Variants in ADCY6 observed in about 807,000 individuals in gnomAD.
The protein encoded by ADCY6 is adenylate cyclase 6.
In ADCY6, 59 loss-of-function variants were observed where a neutral mutation model predicts 111.6. That is an observed-to-expected ratio of 0.53 (90% CI 0.43 to 0.66). The LOEUF (loss-of-function observed/expected upper bound fraction) is 0.66, where lower values mean the gene tolerates loss of function less well. ADCY6 is among the 30% of genes least tolerant of loss of function. ADCY6 has a pLI of 0.00. For synonymous variants in ADCY6, 576 were observed against 642.9 expected (o/e 0.90, Z 1.57); for missense variants, 1,242 against 1,595.6 (o/e 0.78, Z 3.78).
chr12:48,782,811 C>T lies in ADCY6; in HGVS notation c.624G>A (p.Met208Ile), dbSNP rs919560574. The T allele has an allele frequency of 1.2e-6, 2 of 1,613,940 alleles. No individual in the cohort carries two copies. Among genetic ancestry groups the T allele is most frequent in the African/African-American group, 1.3e-5 (1 of 74,952 alleles). ...CNRHSFRQDS[M>I]WVVSYVVLGI... is the part of the protein sequence containing the mutation. ...CCAGCACCACGTAGCTCACCACCCA[C>T]ATGGAGTCCTGGCGGAAGCTATGCC... is the stretch of plus-strand genomic sequence containing the variant. The change falls in exon 2 of 22, where the codon ATG becomes ATA. Residue 208 changes from methionine to isoleucine, a missense_variant. Transcript: ENST00000357869. This position sits in a 1 kb window ranked among gnomAD's most constrained non-coding sequence, Gnocchi z 4.3.
chr12:48,783,051 C>T lies in ADCY6; in HGVS notation c.384G>A (p.Ser128=), dbSNP rs1941891623. The change falls in exon 2 of 22, where the codon TCG becomes TCA. Residue 128 remains serine (S), a synonymous_variant. Transcript: ENST00000357869. ...CCAGCTTGGCCGAACGGAACTGCTT[C>T]GACTGGAACACCTGCACCAGACGGC... The part of the protein sequence containing the change: ...CWRRLVQVFQ[S]KQFRSAKLER... 4 of 1,613,372 alleles carry T rather than the reference C, an allele frequency of 2.5e-6. No homozygotes were observed. Among genetic ancestry groups the T allele is most frequent in the Non-Finnish European group, 3.4e-6 (4 of 1,179,836 alleles).
chr12:48,771,880 G>A lies in ADCY6; in HGVS notation c.2881C>T (p.Leu961=), dbSNP rs897307392. ...TCATCATTGCGGCGCTCCCGGGCCA[G>A]GAAGTGGGCCGCCACGTCCTTGGGC... ...ILPKDVAAHF[L]ARERRNDELY... Residue 961 remains leucine, a synonymous_variant, in exon 19 of 22, where the codon CTG becomes TTG. Transcript: ENST00000357869. The surrounding 1 kb of genome is among the most constrained non-coding windows in gnomAD (Gnocchi z 4.3). 7 of 1,614,072 alleles carry A rather than the reference G, an allele frequency of 4.3e-6. No homozygotes were observed. In the African/African-American group the frequency reaches 9.3e-5, roughly 22 times the overall value.
Position 48,782,734 on chromosome 12 carries a change from CT to C in ADCY6, c.700del (p.Ser234AlafsTer39). ...AGGGCACCAGAGGCCCGCAGAGGGGCTGCGCGGGTCTGCTGCGAGAGCGCCC... is the reference window on the plus strand; with the variant it reads ...AGGGCACCAGAGGCCCGCAGAGGGGCGCGCGGGTCTGCTGCGAGAGCGCCC... Reference protein sequence around the residue: ...VGGALAADPRSPSAGLWCPVF... With the variant: ...VGGALAADPRXPSAGLWCPVF... On this transcript the variant is annotated frameshift_variant, in exon 2 of 22. Transcript: ENST00000357869. LOFTEE classifies it high-confidence loss of function. This position sits in a 1 kb window ranked among gnomAD's most constrained non-coding sequence, Gnocchi z 4.3. The C allele has an allele frequency of 6.2e-7, 1 of 1,600,562 alleles. No homozygotes were observed. Among genetic ancestry groups the C allele is most frequent in the Non-Finnish European group, 8.5e-7 (1 of 1,173,422 alleles).
At position 48,775,369 on chromosome 12, in the gene ADCY6, A is replaced by G. The variant is rs532494034; in HGVS notation, c.1914T>C (p.Asp638=). ...LSRAIDARSI[D]QLRKDHVRRF... ...GGCGCACATGGTCCTTCCGCAGCTG[A>G]TCAATGCTGCGGGCATCGATGGCAC... Residue 638 remains aspartate, a synonymous_variant, in exon 11 of 22, where the codon GAT becomes GAC. Coordinates refer to ENST00000357869, the MANE Select transcript of ADCY6 (RefSeq NM_015270.5). 1 of 1,614,082 alleles carries G rather than the reference A, an allele frequency of 6.2e-7. No homozygotes were observed. Among genetic ancestry groups the G allele is most frequent in the Admixed American group, 1.7e-5 (1 of 60,010 alleles).
intron 12 of ADCY6, 69 bp downstream of exon 12, chr12:48,774,888 G>A (rs1396878898): frequency 6.6e-7 from 1 of 1,523,634 alleles, no homozygotes; most frequent in South Asian, 1.2e-5. Flanking sequence ...GTGGGCTTGT[G>A]TGGGTATTTA....
Position 48,775,216 on chromosome 12 carries a change from C to T in ADCY6, c.1980+87G>A, listed in dbSNP as rs887621452. 7.0e-6 allele frequency: 11 copies of T among 1,572,916 alleles called. No homozygotes were observed. The African/African-American group carries it at 1.2e-4, about 17-fold the overall frequency. ...TGGTCCCTTCTCCATCCCCCAGAAACACCTGTGCCCTCACCTGTGCTCAGC... is the reference window on the plus strand; with the variant it reads ...TGGTCCCTTCTCCATCCCCCAGAAATACCTGTGCCCTCACCTGTGCTCAGC... On this transcript the variant is annotated intron_variant, in intron 11 of 21. Transcript: ENST00000357869.
Position 48,768,372 on chromosome 12 carries a change from G to A in ADCY6, c.*219C>T. ...GAGGGAACAGCCCTACCCCAAGTAA[G>A]AAAGAAAGTCACTTGCATAATCCTC... On this transcript the variant is annotated 3_prime_UTR_variant, in exon 22 of 22. Transcript: ENST00000357869. The A allele has an allele frequency of 1.5e-6, 1 of 651,958 alleles. No individual in the cohort carries two copies. The highest frequency in any genetic ancestry group is 2.6e-6 in the Non-Finnish European group (1 of 384,012). The allele number at this position is 651,958 out of a possible 1,614,324, so 40.4% of individuals were successfully genotyped here.
Position 48,774,457 on chromosome 12 carries a change from G to A in ADCY6, c.2228C>T (p.Thr743Ile), listed in dbSNP as rs1450256396. The change falls in exon 14 of 22, where the codon ACC (threonine) becomes ATC (isoleucine). Residue 743 changes from threonine to isoleucine, a missense_variant. Coordinates refer to ENST00000357869, the MANE Select transcript of ADCY6 (RefSeq NM_015270.5). ...CAGGACGGAAAAGATGCCAACTGCG[G>A]TGCTATGTGCCCGTGAGCGGACAAT... is the stretch of plus-strand genomic sequence containing the variant. The part of the protein sequence containing the change: ...RSIVRSRAHS[T>I]AVGIFSVLLV... 6.2e-7 allele frequency: 1 copy of A among 1,614,024 alleles called. No homozygotes were observed. The highest frequency in any genetic ancestry group is 8.5e-7 in the Non-Finnish European group (1 of 1,179,998).
At position 48,776,071 on chromosome 12, in the gene ADCY6, C is replaced by T; in HGVS notation, c.1698G>A (p.Leu566=). 6.2e-7 allele frequency: 1 copy of T among 1,613,726 alleles called. No homozygotes were observed. Among genetic ancestry groups the T allele is most frequent in the African/African-American group, 1.3e-5 (1 of 75,048 alleles). ...SQKRKEEKAM[L]AKLQRTRANS... is the part of the protein sequence containing the mutation. Reference sequence around the variant, plus strand: ...TGGCCCGAGTCCGCTGCAGCTTGGCCAGCATGGCCTTCTCCTCTTTCTGTG... The same window carrying T: ...TGGCCCGAGTCCGCTGCAGCTTGGCTAGCATGGCCTTCTCCTCTTTCTGTG... The change falls in exon 9 of 22, where the codon CTG becomes CTA. Residue 566 remains leucine (L), a synonymous_variant. Coordinates refer to ENST00000357869, the MANE Select transcript of ADCY6 (RefSeq NM_015270.5). The surrounding 1 kb of genome is among the most constrained non-coding windows in gnomAD (Gnocchi z 6.1).
At position 48,783,209 on chromosome 12, in the gene ADCY6, G is replaced by T; in HGVS notation, c.226C>A (p.Pro76Thr). The change falls in exon 2 of 22, where the codon CCA (proline) becomes ACA (threonine). Residue 76 changes from proline (P) to threonine (T), a missense_variant. Physicochemically the swap from Pro to Thr is conservative, Grantham distance 38. This residue lies in a region of ADCY6 where 362 missense variants were observed against 377.2 expected (regional missense o/e 0.96). Coordinates refer to ENST00000357869, the MANE Select transcript of ADCY6 (RefSeq NM_015270.5). ...AGCCCCAGCTCCTTGCCCTTGCCTG[G>T]GCCGCCCCTCCGGATGAAGGCGTCA... ...QDDAFIRRGG[P>T]GKGKELGLRA... 1 of 1,607,238 alleles carries T rather than the reference G, an allele frequency of 6.2e-7. No individual in the cohort carries two copies.
Position 48,783,402 on chromosome 12 carries a change from T to C in ADCY6, c.33A>G (p.Lys11=). The change falls in exon 2 of 22, where the codon AAA becomes AAG. Residue 11 remains lysine, a synonymous_variant. Transcript: ENST00000357869. ...CCCAGGCTGTTTTCCGTTCATCCAC[T>C]TTAGGGACCAGGAGGCCACTAAACC... MSWFSGLLVP[K]VDERKTAWGE... is the part of the protein sequence containing the mutation. The C allele has an allele frequency of 6.2e-7, 1 of 1,614,202 alleles. No individual in the cohort carries two copies. Among genetic ancestry groups the C allele is most frequent in the Admixed American group, 1.7e-5 (1 of 60,026 alleles).
Position 48,773,625 on chromosome 12 carries a change from A to G in ADCY6, c.2465T>C (p.Leu822Pro). The stretch of plus-strand genomic sequence containing the variant: ...GAAGACAGAGCTGGCCAAGAGACTC[A>G]GCAGCATGTTCCCGATGAAGTACTG... ...FPEYFIGNML[L>P]SLLASSVFLH... The change falls in exon 16 of 22, where the codon CTG (leucine) becomes CCG (proline). Residue 822 changes from leucine (L) to proline (P), a missense_variant. Physicochemically the swap from Leu to Pro is moderately conservative, Grantham distance 98. Coordinates refer to ENST00000357869, the MANE Select transcript of ADCY6 (RefSeq NM_015270.5). The G allele has an allele frequency of 6.2e-7, 1 of 1,614,114 alleles. No homozygotes were observed.
chr12:48,784,281 G>A (rs191418366), intron 1 of ADCY6, among the ~76,000 whole-genome samples: 3 of 140,626 alleles, frequency 2.1e-5, no homozygotes, highest in Non-Finnish European at 4.6e-5. Flanking sequence ...AGGAGGGAGG[G>A]AGGGAGAGAG....
At position 48,782,126 on chromosome 12, in the gene ADCY6, A is replaced by G. The variant is rs1941858953; in HGVS notation, c.864+445T>C. Among the ~76,000 whole-genome samples the G allele has an allele frequency of 6.6e-6, 1 of 152,122 alleles. No homozygotes were observed. The highest frequency in any genetic ancestry group is 6.5e-5 in the Admixed American group (1 of 15,270). On this transcript the variant is annotated intron_variant, in intron 2 of 21. Coordinates refer to ENST00000357869, the MANE Select transcript of ADCY6 (RefSeq NM_015270.5). The surrounding 1 kb of genome is among the most constrained non-coding windows in gnomAD (Gnocchi z 4.3). The stretch of plus-strand genomic sequence containing the variant: ...CCACCTAGAGCTGCTCTTCAGGGAT[A>G]GCACCAGCGCCTCAGTCTCTGGTGT...
At position 48,768,243 on chromosome 12, in the gene ADCY6, G is replaced by A. The variant is rs1047794915; in HGVS notation, c.*348C>T. 1.1e-5 allele frequency: 4 copies of A among 373,258 alleles called. No individual in the cohort carries two copies. Among genetic ancestry groups the A allele is most frequent in the African/African-American group, 2.1e-5 (1 of 48,334 alleles). 23.1% of individuals were successfully genotyped at this position (373,258 alleles called of 1,614,324 possible). On this transcript the variant is annotated 3_prime_UTR_variant, in exon 22 of 22. Coordinates refer to ENST00000357869, the MANE Select transcript of ADCY6 (RefSeq NM_015270.5). ...TGAACCTGCTGCCCAGACAGACAGG[G>A]AAGGGTAGGCATGGCAAGCTGCCAT...
intron 20 of ADCY6, among the ~76,000 whole-genome samples, chr12:48,770,006 C>A (rs1056692734): frequency 1.3e-5 from 2 of 151,840 alleles, no homozygotes; most frequent in African/African-American, 4.8e-5. Flanking sequence ...CGTGATCCGC[C>A]TGCCTCGGAC....
chr12:48,780,220 A>G (rs143260465), intron 2 of ADCY6, among the ~76,000 whole-genome samples: 119 of 152,314 alleles, frequency 7.8e-4, no homozygotes, highest in African/African-American at 2.9e-3. Context: ...CTATGAGAAA[A>G]AATGGATGCC....
intron 20 of ADCY6, 101 bp from the exon 21 acceptor site, chr12:48,769,162 T>C: frequency 7.8e-7 from 1 of 1,278,310 alleles, no homozygotes; most frequent in Non-Finnish European, 1.0e-6. Flanking sequence ...GAGAAAAAAA[T>C]GGAAAAAGGA....
chr12:48,789,109 C>G (rs1171525195), upstream of ADCY6: 1 of 152,226 alleles, frequency 6.6e-6, no homozygotes, highest in African/African-American at 2.4e-5. Flanking sequence ...CCAGAAGTCC[C>G]CTCCCCGCTG....
Sources: allele counts gnomAD v4.1 joint callset (sites outside exome capture counted in the v4.1 genomes callset), GRCh38; gene constraint gnomAD v4.1.1; regional missense constraint gnomAD v4.1.1; non-coding constraint Gnocchi (gnomAD v3.1); transcripts MANE v1.5; gene names NCBI Gene and HGNC (gene_info 2026-07-23, HGNC 2026-07-21).